RABGAP1L: variants seen among roughly 807,000 people sequenced by gnomAD.
RABGAP1L encodes the protein rab GTPase-activating protein 1-like.
A neutral mutation model predicts 137.7 loss-of-function variants in RABGAP1L; 63 were observed. That is an observed-to-expected ratio of 0.46 (90% CI 0.37 to 0.56). RABGAP1L has a LOEUF of 0.56. RABGAP1L is among the 20% of genes least tolerant of loss of function. The pLI is 0.00. For missense variants in RABGAP1L, 1,095 were observed against 1,244.0 expected (o/e 0.88, Z 1.80); for synonymous variants, 431 against 433.7 (o/e 0.99, Z 0.08).
At chr1:174,744,363 GTTAA>G (rs772889497) in intron 17 of RABGAP1L, among the ~76,000 whole-genome samples, 3 of 152,122 alleles carry the variant, frequency 2.0e-5, no homozygotes, top group South Asian at 2.1e-4. Flanking sequence ...CTTTTTGCGT[GTTAA>G]TTATCTGTCA....
chr1:174,944,508 A>G (rs576942666), intron 19 of RABGAP1L, among the ~76,000 whole-genome samples: 9 of 151,852 alleles, frequency 5.9e-5, no homozygotes, highest in African/African-American at 2.2e-4. Flanking sequence ...TTGGTGACTT[A>G]CACCTGTGGT....
At chr1:174,849,049 G>A (rs1162362855) in intron 19 of RABGAP1L, among the ~76,000 whole-genome samples, 6 of 152,180 alleles carry the variant, frequency 3.9e-5, no homozygotes, top group South Asian at 2.1e-4. Flanking sequence ...GACCCCTTGC[G>A]CTTCCCAGGT....
intron 19 of RABGAP1L, among the ~76,000 whole-genome samples, chr1:174,920,540 T>A (rs934646385): frequency 6.6e-6 from 1 of 152,236 alleles, no homozygotes; most frequent in African/African-American, 2.4e-5. Flanking sequence ...CCATATCAAC[T>A]ACTGTTACGA....
At chr1:174,836,676 A>G (rs1692788913) in intron 19 of RABGAP1L, among the ~76,000 whole-genome samples, 1 of 152,176 alleles carries the variant, frequency 6.6e-6, no homozygotes, top group Non-Finnish European at 1.5e-5. Context: ...TCTTTGGCCA[A>G]TGGATTAGCC....
intron 1 of RABGAP1L, among the ~76,000 whole-genome samples, chr1:174,206,168 A>G (rs1476405857): frequency 1.3e-5 from 2 of 152,180 alleles, no homozygotes; most frequent in African/African-American, 4.8e-5. Flanking sequence ...TATAAAAGCT[A>G]TGTGGTTTAA....
chr1:174,990,209 T>G lies in RABGAP1L; in HGVS notation c.*208T>G. The G allele has an allele frequency of 3.7e-6, 2 of 536,524 alleles. No individual in the cohort carries two copies. Among genetic ancestry groups the G allele is most frequent in the Non-Finnish European group, 6.0e-6 (2 of 330,848 alleles). The allele number at this position is 536,524 out of a possible 1,614,324, so 33.2% of individuals were successfully genotyped here. On this transcript the variant is annotated 3_prime_UTR_variant, in exon 26 of 26. Coordinates refer to ENST00000681986, the MANE Select transcript of RABGAP1L (RefSeq NM_001366446.1). Reference sequence around the variant, plus strand: ...TATGTTGAATACCTATTTTCCAGCTTCTGGAAGGCCATGTTCAGATCCATC... The same window carrying G: ...TATGTTGAATACCTATTTTCCAGCTGCTGGAAGGCCATGTTCAGATCCATC...
chr1:174,214,234 C>T (rs917696373), intron 1 of RABGAP1L, among the ~76,000 whole-genome samples: 1 of 152,080 alleles, frequency 6.6e-6, no homozygotes, highest in African/African-American at 2.4e-5. Context: ...AAAGTAATCC[C>T]ATTTACAATA....
chr1:174,518,560 T>C (rs1663072777), intron 13 of RABGAP1L, among the ~76,000 whole-genome samples: 3 of 152,198 alleles, frequency 2.0e-5, no homozygotes, highest in Admixed American at 2.0e-4. Context: ...ATGCAGAACC[T>C]ATGGATTGGA....
intron 13 of RABGAP1L, among the ~76,000 whole-genome samples, chr1:174,627,403 G>A (rs1354654564): frequency 2.0e-5 from 3 of 152,212 alleles, no homozygotes; most frequent in African/African-American, 7.2e-5. Flanking sequence ...GAGCAAGTAA[G>A]TGATGATTCT....
chr1:174,184,912 T>G (rs1366843772), intron 1 of RABGAP1L, among the ~76,000 whole-genome samples: 2 of 152,210 alleles, frequency 1.3e-5, no homozygotes, highest in Non-Finnish European at 2.9e-5. Flanking sequence ...ATTTTACTTT[T>G]GGCAGGTGTA....
intron 14 of RABGAP1L, among the ~76,000 whole-genome samples, chr1:174,679,136 G>A (rs539674747): frequency 2.6e-4 from 39 of 152,310 alleles, no homozygotes; most frequent in African/African-American, 4.6e-4. Flanking sequence ...TCTCTCAGGC[G>A]ATAGATGATT....
At chr1:174,886,202 G>A (rs1573664299) in intron 19 of RABGAP1L, among the ~76,000 whole-genome samples, 1 of 152,000 alleles carries the variant, frequency 6.6e-6, no homozygotes, top group African/African-American at 2.4e-5. Context: ...AGTAGAGAGA[G>A]GGTTTCTCCC....
Position 174,195,657 on chromosome 1 carries a change from CCTTTCCTTTCCTTTCCTTCTTTCCTT to C in RABGAP1L, c.-33-23459_-33-23434del, listed in dbSNP as rs1667553686. Among the ~76,000 whole-genome samples, 5 of 92,400 alleles carry C rather than the reference CCTTTCCTTTCCTTTCCTTCTTTCCTT, an allele frequency of 5.4e-5. No individual in the cohort carries two copies. The East Asian group carries it at 2.3e-3, about 43-fold the overall frequency. 60.6% of individuals were successfully genotyped at this position (92,400 alleles called of 152,430 possible). On this transcript the variant is annotated intron_variant, in intron 1 of 25. Transcript: ENST00000681986. The stretch of plus-strand genomic sequence containing the variant: ...CCTTCCTTCCTTCCTTCCTTCCTTT[CCTTTCCTTTCCTTTCCTTCTTTCCTT>C]CTTTCCTTCTTTCCTTCTTTCCTTC...
chr1:174,311,365 C>T (rs1262162350), intron 11 of RABGAP1L, among the ~76,000 whole-genome samples: 2 of 152,138 alleles, frequency 1.3e-5, no homozygotes, highest in Non-Finnish European at 2.9e-5. Context: ...GATCCAGTCA[C>T]CTTCTACTAG....
chr1:174,462,780 A>G (rs1656834937), intron 13 of RABGAP1L, among the ~76,000 whole-genome samples: 1 of 152,146 alleles, frequency 6.6e-6, no homozygotes, highest in Non-Finnish European at 1.5e-5. Flanking sequence ...AAAACATGTG[A>G]TGTTTGGTTT....
At chr1:174,485,232 GT>G (rs919638069) in intron 13 of RABGAP1L, among the ~76,000 whole-genome samples, 3 of 152,126 alleles carry the variant, frequency 2.0e-5, no homozygotes, top group Admixed American at 2.0e-4. Context: ...AGTTCTAATA[GT>G]TTTTTGGTGG....
chr1:174,859,166 C>T (rs183431758), intron 19 of RABGAP1L, among the ~76,000 whole-genome samples: 2 of 152,094 alleles, frequency 1.3e-5, no homozygotes, highest in Admixed American at 1.3e-4. Flanking sequence ...AACTTAAATG[C>T]CCATCAGTGA....
At position 174,681,821 on chromosome 1, in the gene RABGAP1L, G is replaced by A. The variant is rs1430963821; in HGVS notation, c.1825-1701G>A. Among the ~76,000 whole-genome samples the A allele has an allele frequency of 2.0e-5, 3 of 152,128 alleles. No individual in the cohort carries two copies. The East Asian group carries it at 5.8e-4, about 29-fold the overall frequency. On this transcript the variant is annotated intron_variant, in intron 14 of 25. Transcript: ENST00000681986. ...AAGCCTTCCTAGTTATCTTTGATAA[G>A]CCTTGTCCTAGACAGAGACAATTTT... is the stretch of plus-strand genomic sequence containing the variant.
chr1:174,924,813 TA>T (rs892978093), intron 19 of RABGAP1L, among the ~76,000 whole-genome samples: 3 of 151,414 alleles, frequency 2.0e-5, no homozygotes, highest in Non-Finnish European at 4.4e-5. Flanking sequence ...CCCTACTTAG[TA>T]GAGCTTAAGT....
Sources: gnomAD v4.1 joint callset for allele counts (sites outside exome capture counted in the v4.1 genomes callset) on GRCh38, gnomAD v4.1.1 for gene constraint, MANE v1.5 for transcripts, NCBI Gene and HGNC (gene_info 2026-07-23, HGNC 2026-07-21) for gene names.